SNX7: variants seen among roughly 807,000 people sequenced by gnomAD.
The protein encoded by SNX7 is sorting nexin-7.
A neutral mutation model predicts 48.4 loss-of-function variants in SNX7; 35 were observed. The ratio of observed to expected loss-of-function variants is 0.72; its 90% CI spans 0.55 to 0.96. The LOEUF is 0.96. SNX7 is among the 40% of genes least tolerant of loss of function. The pLI is 0.00. For missense variants in SNX7, 553 were observed against 548.9 expected (o/e 1.01, Z -0.07); for synonymous variants, 190 against 190.2 (o/e 1.00, Z 0.01).
intron 1 of SNX7, among the ~76,000 whole-genome samples, chr1:98,679,389 C>T (rs1570500687): frequency 6.6e-6 from 1 of 152,206 alleles, no homozygotes; most frequent in East Asian, 1.9e-4. Flanking sequence ...GGGACACAGC[C>T]AAACCATATC....
chr1:98,756,556 G>T (rs1275897461), intron 8 of SNX7, among the ~76,000 whole-genome samples: 1 of 150,294 alleles, frequency 6.7e-6, no homozygotes, highest in African/African-American at 2.4e-5. Context: ...CTATGAGAAT[G>T]CTGGATACTG....
chr1:98,760,024 A>C, intron 8 of SNX7, 30 bp from the exon 9 acceptor site: 1 of 1,392,682 alleles, frequency 7.2e-7, no homozygotes, highest in Non-Finnish European at 1.0e-6. Flanking sequence ...ACTATTGTTG[A>C]TTGCCTCATG....
At chr1:98,708,736 C>T (rs1557812210) in intron 7 of SNX7, among the ~76,000 whole-genome samples, 1 of 152,154 alleles carries the variant, frequency 6.6e-6, no homozygotes. Flanking sequence ...TCATTCAAGG[C>T]TTCATTGGCT....
chr1:98,708,245 C>T (rs1044290023), intron 7 of SNX7, among the ~76,000 whole-genome samples: 3 of 152,202 alleles, frequency 2.0e-5, no homozygotes, highest in Admixed American at 6.5e-5. Context: ...CATATACACA[C>T]ACACACAGCA....
chr1:98,694,673 T>G (rs1050187758), intron 4 of SNX7, among the ~76,000 whole-genome samples: 13 of 134,172 alleles, frequency 9.7e-5, no homozygotes, highest in Non-Finnish European at 2.0e-4. Flanking sequence ...AGTGGCATGA[T>G]CTCGGCTCAC....
intron 1 of SNX7, chr1:98,662,665 G>A (rs1407741940): frequency 7.8e-7 from 1 of 1,288,444 alleles, no homozygotes; most frequent in Non-Finnish European, 1.0e-6. Flanking sequence ...TTTCTTAAAG[G>A]GTTTTAGAAA....
chr1:98,702,061 A>G (rs1389690996), intron 7 of SNX7, among the ~76,000 whole-genome samples, 158 bp downstream of exon 7: 1 of 152,144 alleles, frequency 6.6e-6, no homozygotes, highest in Non-Finnish European at 1.5e-5. Context: ...AAAATCTGTT[A>G]TACATTGGAT....
At position 98,691,079 on chromosome 1, in the gene SNX7, C is replaced by G. The variant is rs937942290; in HGVS notation, c.368C>G (p.Ser123Cys). 2 of 1,602,112 alleles carry G rather than the reference C, an allele frequency of 1.2e-6. No homozygotes were observed. Among genetic ancestry groups the G allele is most frequent in the Non-Finnish European group, 1.7e-6 (2 of 1,172,312 alleles). Residue 123 changes from serine to cysteine, a missense_variant, in exon 3 of 9, where the codon TCT becomes TGT. Physicochemically the swap from Ser to Cys is moderately radical, Grantham distance 112. Transcript: ENST00000306121. ...FITYRIITKT[S>C]RGEFDSSEFE... is the part of the protein sequence containing the mutation. ...ATTTTCTCTTACTTTCTTCAGACAT[C>G]TCGTGGGGAATTTGACTCCAGTGAA...
At chr1:98,716,280 T>TGCCCTC (rs1652586270) in intron 7 of SNX7, among the ~76,000 whole-genome samples, 1 of 152,104 alleles carries the variant, frequency 6.6e-6, no homozygotes, top group Non-Finnish European at 1.5e-5. Context: ...CCCCATATGG[T>TGCCCTC]GCCCTCTTCA....
intron 8 of SNX7, among the ~76,000 whole-genome samples, chr1:98,753,668 A>G (rs897979849): frequency 6.6e-6 from 1 of 152,124 alleles, no homozygotes. Flanking sequence ...TAGGGGTACC[A>G]GATACAAGAT....
Position 98,695,736 on chromosome 1 carries a change from T to C in SNX7, c.838+20T>C, listed in dbSNP as rs538170506. ...AAAGGGGTAAGTAGAATTACTGAAA[T>C]GTGATTTCAAAGTTGTTCAGTTTCT... On this transcript the variant is annotated intron_variant, in intron 5 of 8. Transcript: ENST00000306121. 3.6e-4 allele frequency: 533 copies of C among 1,491,268 alleles called. No individual in the cohort carries two copies. Among genetic ancestry groups the C allele is most frequent in the Non-Finnish European group, 4.7e-4 (502 of 1,069,690 alleles). The allele number at this position is 1,491,268 out of a possible 1,614,324, so 92.4% of individuals were successfully genotyped here.
At chr1:98,662,502 C>G in intron 1 of SNX7, 2 of 371,560 alleles carry the variant, frequency 5.4e-6, no homozygotes, top group Non-Finnish European at 9.8e-6. Context: ...TGGTCAGCTA[C>G]TGCCACCCAA....
chr1:98,742,370 C>T (rs1217442956), intron 8 of SNX7, among the ~76,000 whole-genome samples: 1 of 152,108 alleles, frequency 6.6e-6, no homozygotes, highest in Middle Eastern at 3.2e-3. Flanking sequence ...CTATATCTCA[C>T]ATGTGGCATC....
intron 2 of SNX7, among the ~76,000 whole-genome samples, chr1:98,689,803 A>G (rs1651015638): frequency 6.6e-6 from 1 of 152,190 alleles, no homozygotes; most frequent in African/African-American, 2.4e-5. Flanking sequence ...AGTCTATATT[A>G]TTAAACTGTG....
At position 98,698,769 on chromosome 1, in the gene SNX7, A is replaced by G; in HGVS notation, c.902A>G (p.Asp301Gly). 6.2e-7 allele frequency: 1 copy of G among 1,613,462 alleles called. No homozygotes were observed. The change falls in exon 6 of 9, where the codon GAT (aspartate) becomes GGT (glycine). Residue 301 changes from aspartate (D) to glycine (G), a missense_variant. Asp to Gly is a moderately conservative substitution (Grantham distance 94). Transcript: ENST00000306121. ...ATTCTGTGGTCAGCGTCAGAAGAGG[A>G]TCTGGTTGATACTCTAAAGGATGTT... is the stretch of plus-strand genomic sequence containing the variant. ...IHILWSASEE[D>G]LVDTLKDVAS... is the part of the protein sequence containing the mutation.
At chr1:98,743,982 T>C (rs1654196536) in intron 8 of SNX7, among the ~76,000 whole-genome samples, 1 of 152,058 alleles carries the variant, frequency 6.6e-6, no homozygotes, top group Non-Finnish European at 1.5e-5. Context: ...AGAAATTTCA[T>C]TCTATTCAAA....
chr1:98,667,790 C>T (rs901136126), intron 1 of SNX7, among the ~76,000 whole-genome samples: 7 of 151,990 alleles, frequency 4.6e-5, no homozygotes, highest in African/African-American at 1.7e-4. Context: ...TCAGATTTTT[C>T]ATCTGTAAAA....
At chr1:98,738,436 A>G (rs199974357) in intron 8 of SNX7, 47 bp downstream of exon 8, 2 of 1,567,036 alleles carry the variant, frequency 1.3e-6, no homozygotes, top group Non-Finnish European at 1.7e-6. Context: ...TTATATGCTC[A>G]TTTACTTTTG....
chr1:98,693,953 A>G (rs1396159567), intron 4 of SNX7, among the ~76,000 whole-genome samples: 2 of 152,202 alleles, frequency 1.3e-5, no homozygotes, highest in African/African-American at 4.8e-5. Flanking sequence ...CTTTTAACTT[A>G]TGCCATACTT....
Sources: gnomAD v4.1 joint callset for allele counts (sites outside exome capture counted in the v4.1 genomes callset) on GRCh38, gnomAD v4.1.1 for gene constraint, MANE v1.5 for transcripts, NCBI Gene and HGNC (gene_info 2026-07-23, HGNC 2026-07-21) for gene names.